The following KDM4C variants were observed in gnomAD, a reference collection of about 807,000 sequenced individuals.
KDM4C encodes the protein lysine-specific demethylase 4C.
KDM4C carries 81 observed loss-of-function variants against 129.3 expected under a neutral mutation model. The observed-to-expected ratio is 0.63, with a 90% CI of 0.52 to 0.75. The LOEUF is 0.75. KDM4C is among the 30% of genes least tolerant of loss of function. The pLI, the probability that KDM4C is intolerant of heterozygous loss-of-function variation, is 0.00. For missense variants in KDM4C, 1,457 were observed against 1,304.0 expected (o/e 1.12, Z -1.81); for synonymous variants, 573 against 456.1 (o/e 1.26, Z -3.26).
intron 18 of KDM4C, among the ~76,000 whole-genome samples, chr9:7,126,900 G>A: frequency 6.6e-6 from 1 of 152,106 alleles, no homozygotes; most frequent in South Asian, 2.1e-4. Context: ...ACAAGAACCA[G>A]TACGAAGGGG....
intron 1 of KDM4C, among the ~76,000 whole-genome samples, chr9:6,778,952 C>G (rs1440469087): frequency 6.6e-6 from 1 of 151,442 alleles, no homozygotes; most frequent in Non-Finnish European, 1.5e-5. Flanking sequence ...TAACTCCTGA[C>G]CTCAGGTGAT....
chr9:6,932,860 A>G (rs1824011726), intron 8 of KDM4C, among the ~76,000 whole-genome samples: 1 of 152,212 alleles, frequency 6.6e-6, no homozygotes, highest in Admixed American at 6.5e-5. Context: ...CTCCACTACA[A>G]AGGATTATAT....
chr9:7,138,274 T>G (rs1299433647), intron 19 of KDM4C, among the ~76,000 whole-genome samples: 8 of 152,232 alleles, frequency 5.3e-5, no homozygotes, highest in Non-Finnish European at 1.0e-4. Context: ...TGTGTGTGTT[T>G]CTGCAAATCA....
chr9:7,115,176 A>T (rs1481361026), intron 18 of KDM4C, among the ~76,000 whole-genome samples: 2 of 151,908 alleles, frequency 1.3e-5, no homozygotes, highest in African/African-American at 4.8e-5. Context: ...AGGAAAATCA[A>T]CTCTTCCATT....
At chr9:7,068,681 C>CCT (rs1244997927) in intron 17 of KDM4C, among the ~76,000 whole-genome samples, 1 of 132,092 alleles carries the variant, frequency 7.6e-6, no homozygotes, top group Non-Finnish European at 1.5e-5. Flanking sequence ...TTTATGATGC[C>CCT]CTTTCTTTTT....
chr9:7,159,079 C>A lies in KDM4C; in HGVS notation c.2782-6159C>A, dbSNP rs528660898. On this transcript the variant is annotated intron_variant, in intron 19 of 21. Transcript: ENST00000381309. The stretch of plus-strand genomic sequence containing the variant: ...TTAGCTCTTTTTGTTGAATTGATCC[C>A]TTTACCATTATGTAATGGCCTTCTT... Among the ~76,000 whole-genome samples the A allele has an allele frequency of 4.6e-5, 7 of 152,286 alleles. No homozygotes were observed. The South Asian group carries it at 1.5e-3, about 32-fold the overall frequency.
chr9:7,170,418 A>C (rs576404710), intron 21 of KDM4C: 415 of 989,700 alleles, frequency 4.2e-4, no homozygotes, highest in Non-Finnish European at 4.7e-4. Context: ...CAAAGCCTAA[A>C]TGCTAGTTGT....
At chr9:6,880,126 GT>G in intron 6 of KDM4C, 65 bp downstream of exon 6, 1 of 1,021,818 alleles carries the variant, frequency 9.8e-7, no homozygotes, top group Non-Finnish European at 1.5e-6. Flanking sequence ...TAGGTTCTTT[GT>G]TTTTGAGGTA....
intron 19 of KDM4C, among the ~76,000 whole-genome samples, chr9:7,131,160 C>T (rs370263036): frequency 6.6e-6 from 1 of 152,092 alleles, no homozygotes; most frequent in African/African-American, 2.4e-5. Context: ...TCCTTTTGTG[C>T]TCCCCACTGC....
chr9:6,830,572 A>C (rs1834649591), intron 4 of KDM4C, among the ~76,000 whole-genome samples: 1 of 152,228 alleles, frequency 6.6e-6, no homozygotes, highest in African/African-American at 2.4e-5. Flanking sequence ...TTGCAGATTT[A>C]TATATTTGAT....
chr9:6,730,074 C>T (rs753120241), intron 1 of KDM4C, among the ~76,000 whole-genome samples: 1 of 145,746 alleles, frequency 6.9e-6, no homozygotes, highest in South Asian at 2.3e-4. Context: ...TGTGCCACTG[C>T]ACTGCAGCCT....
intron 8 of KDM4C, among the ~76,000 whole-genome samples, chr9:6,933,984 G>T (rs1255699186): frequency 6.6e-6 from 1 of 151,996 alleles, no homozygotes; most frequent in Non-Finnish European, 1.5e-5. Flanking sequence ...TGTGTAGCTG[G>T]AATTATAGGT....
chr9:6,741,451 G>T (rs1351340267), intron 1 of KDM4C, among the ~76,000 whole-genome samples: 1 of 151,930 alleles, frequency 6.6e-6, no homozygotes, highest in Non-Finnish European at 1.5e-5. Context: ...TATTTACCCG[G>T]GTACATGCTA....
At chr9:6,876,887 A>G (rs888267445) in intron 5 of KDM4C, among the ~76,000 whole-genome samples, 1 of 152,182 alleles carries the variant, frequency 6.6e-6, no homozygotes, top group Non-Finnish European at 1.5e-5. Flanking sequence ...TCTGAAGGAA[A>G]AACATAAAAA....
chr9:6,981,027 A>C lies in KDM4C; in HGVS notation c.1024A>C (p.Thr342Pro). The change falls in exon 9 of 22, where the codon ACC becomes CCC. Residue 342 changes from threonine to proline, a missense_variant. Transcript: ENST00000381309. ...QLWKQGKDIY[T>P]IDHTKPTPAS... The stretch of plus-strand genomic sequence containing the variant: ...TTGGAAACAAGGAAAGGATATATAC[A>C]CCATTGATCACACGAAGCCTACTCC... 1 of 1,613,892 alleles carries C rather than the reference A, an allele frequency of 6.2e-7. No individual in the cohort carries two copies. The highest frequency in any genetic ancestry group is 2.2e-5 in the East Asian group (1 of 44,880).
chr9:6,980,800 A>T, intron 8 of KDM4C, 125 bp from the exon 9 acceptor site: 2 of 740,782 alleles, frequency 2.7e-6, no homozygotes, highest in Non-Finnish European at 4.4e-6. Context: ...ATGTTTGATA[A>T]TGTAATGCAT....
chr9:6,949,314 C>T (rs1589262695), intron 8 of KDM4C, among the ~76,000 whole-genome samples: 1 of 151,554 alleles, frequency 6.6e-6, no homozygotes. Context: ...AGACGCTCCT[C>T]ATTTCCTAGA....
At chr9:6,868,472 G>A (rs180769445) in intron 5 of KDM4C, among the ~76,000 whole-genome samples, 214 of 152,210 alleles carry the variant, frequency 1.4e-3, no homozygotes, top group Non-Finnish European at 2.3e-3. Context: ...TTGGTTCCAG[G>A]TTCCATTCAC....
chr9:7,149,167 G>A (rs548280870), intron 19 of KDM4C, among the ~76,000 whole-genome samples: 1 of 152,234 alleles, frequency 6.6e-6, no homozygotes, highest in Non-Finnish European at 1.5e-5. Flanking sequence ...CACCCAAAAT[G>A]TCAGCCTCAG....
Sources: allele counts gnomAD v4.1 joint callset (sites outside exome capture counted in the v4.1 genomes callset), GRCh38; gene constraint gnomAD v4.1.1; transcripts MANE v1.5; gene names NCBI Gene and HGNC (gene_info 2026-07-23, HGNC 2026-07-21).